The following NMBR variants were observed in gnomAD, a reference collection of about 807,000 sequenced individuals.
NMBR encodes neuromedin B receptor, also known as neuromedin-B receptor.
In NMBR, 16 loss-of-function variants were observed where a neutral mutation model predicts 20.5. That is an observed-to-expected ratio of 0.78 (90% CI 0.53 to 1.19). The LOEUF (loss-of-function observed/expected upper bound fraction) is 1.19. Ranked by LOEUF, NMBR falls within the 50% of genes most tolerant of loss-of-function variation. The pLI, the probability that NMBR is intolerant of heterozygous loss-of-function variation, is 0.00. For missense variants in NMBR, 582 were observed against 499.1 expected (o/e 1.17, Z -1.58); for synonymous variants, 212 against 196.6 (o/e 1.08, Z -0.65).
chr6:142,085,100 GTC>G (rs1173322242), intron 2 of NMBR, among the ~76,000 whole-genome samples: 3 of 152,146 alleles, frequency 2.0e-5, no homozygotes, highest in African/African-American at 7.2e-5. Context: ...ACCATGCACT[GTC>G]TCTCCTCCAG....
At position 142,092,906 on chromosome 6, in the gene NMBR, AC is replaced by A. The variant is rs990714130; in HGVS notation, c.-663-3586del. 5.9e-5 allele frequency among the ~76,000 whole-genome samples: 9 copies of A among 152,158 alleles called. No individual in the cohort carries two copies. In the East Asian group the frequency reaches 7.7e-4, roughly 13 times the overall value. ...TTAACCAATTCTCAGGAAAACACTT[AC>A]CCAAAAAGGGTAAATTAGTGATTTA... On this transcript the variant is annotated intron_variant, in intron 1 of 3. Coordinates refer to ENST00000258042, the MANE Select transcript of NMBR (RefSeq NM_002511.4).
At chr6:142,104,503 T>G (rs1293004059) in intron 1 of NMBR, among the ~76,000 whole-genome samples, 3 of 152,172 alleles carry the variant, frequency 2.0e-5, no homozygotes, top group African/African-American at 7.2e-5. Context: ...AAGCTGAAAT[T>G]TGATTTTGGA....
chr6:142,134,608 A>T (rs556957295), intron 1 of NMBR: 2 of 668,594 alleles, frequency 3.0e-6, no homozygotes, highest in African/African-American at 1.8e-5. Flanking sequence ...TAAAAGCATC[A>T]ATCAAGAATG....
At chr6:142,083,802 T>C (rs1777150360) in intron 2 of NMBR, among the ~76,000 whole-genome samples, 1 of 152,196 alleles carries the variant, frequency 6.6e-6, no homozygotes, top group South Asian at 2.1e-4. Context: ...TGTGGAACTG[T>C]GAGTCAATTA....
chr6:142,112,780 T>C (rs1334136827), intron 1 of NMBR, among the ~76,000 whole-genome samples: 2 of 152,198 alleles, frequency 1.3e-5, no homozygotes, highest in Admixed American at 6.5e-5. Flanking sequence ...TTTTCATCAA[T>C]GCTATTTAAG....
chr6:142,105,256 G>A (rs1173335621), intron 1 of NMBR, among the ~76,000 whole-genome samples: 3 of 152,142 alleles, frequency 2.0e-5, no homozygotes, highest in Admixed American at 2.0e-4. Context: ...CTTCTTTTGT[G>A]GATCTTCAGT....
At chr6:142,111,875 C>T (rs1321368843) in intron 1 of NMBR, among the ~76,000 whole-genome samples, 2 of 152,106 alleles carry the variant, frequency 1.3e-5, no homozygotes, top group African/African-American at 4.8e-5. Flanking sequence ...ACTCCCCAAC[C>T]CAAAAGTGAA....
At chr6:142,112,079 A>T (rs553569157) in intron 1 of NMBR, among the ~76,000 whole-genome samples, 230 of 152,322 alleles carry the variant, frequency 1.5e-3, no homozygotes, top group African/African-American at 5.2e-3. Flanking sequence ...CTGTAATCCC[A>T]ACATTTTGGG....
At chr6:142,130,673 C>A (rs1223807238) in intron 1 of NMBR, among the ~76,000 whole-genome samples, 2 of 152,078 alleles carry the variant, frequency 1.3e-5, no homozygotes, top group East Asian at 3.9e-4. Flanking sequence ...AGATATTGGT[C>A]AAATTATAAA....
intron 1 of NMBR, among the ~76,000 whole-genome samples, chr6:142,126,554 TCTA>T (rs1292647445): frequency 6.6e-6 from 1 of 151,908 alleles, no homozygotes; most frequent in Non-Finnish European, 1.5e-5. Flanking sequence ...CTCCCTTTTC[TCTA>T]CATCTTACCA....
chr6:142,100,572 C>T (rs544240760), intron 1 of NMBR, among the ~76,000 whole-genome samples: 6 of 152,204 alleles, frequency 3.9e-5, no homozygotes, highest in South Asian at 2.1e-4. Flanking sequence ...ATGTGTGGAT[C>T]GCAGAGGATT....
In NMBR at chr6:142,076,040, G is replaced by C; in HGVS notation, c.781C>G (p.Arg261Gly). The C allele has an allele frequency of 6.4e-7, 1 of 1,574,006 alleles. No homozygotes were observed. Among genetic ancestry groups the C allele is most frequent in the Non-Finnish European group, 8.6e-7 (1 of 1,163,040 alleles). Residue 261 changes from arginine (R) to glycine (G), a missense_variant, in exon 4 of 4, where the codon CGG becomes GGG. Arg to Gly is a moderately radical substitution (Grantham distance 125). Transcript: ENST00000258042. ...AGCACAATTTTAGCCAGGCGTTTCCGTGTTTCCATCTGCAAATATAAGAAA... is the reference window on the plus strand; with the variant it reads ...AGCACAATTTTAGCCAGGCGTTTCCCTGTTTCCATCTGCAAATATAAGAAA... ...NEHTKKQMET[R>G]KRLAKIVLVF...
In NMBR at chr6:142,116,354, T is replaced by G. The variant is rs533919788; in HGVS notation, c.-663-27033A>C. ...TTACTGTAGGATGCAGTATATAGAATGTTTGGCTCTAAGAGGGTATGTAGA... is the reference window on the plus strand; with the variant it reads ...TTACTGTAGGATGCAGTATATAGAAGGTTTGGCTCTAAGAGGGTATGTAGA... On this transcript the variant is annotated intron_variant, in intron 1 of 3. Transcript: ENST00000258042. Among the ~76,000 whole-genome samples, 31 of 151,892 alleles carry G rather than the reference T, an allele frequency of 2.0e-4. No homozygotes were observed. The South Asian group carries it at 5.6e-3, about 27-fold the overall frequency.
At chr6:142,087,965 C>T (rs980176665) in intron 2 of NMBR, among the ~76,000 whole-genome samples, 1 of 152,078 alleles carries the variant, frequency 6.6e-6, no homozygotes, top group Non-Finnish European at 1.5e-5. Context: ...CCCTAAGTGT[C>T]GGAGGTGGGA....
chr6:142,079,244 C>A (rs1190393844), intron 2 of NMBR, among the ~76,000 whole-genome samples: 1 of 151,938 alleles, frequency 6.6e-6, no homozygotes, highest in African/African-American at 2.4e-5. Flanking sequence ...AAACATTCTG[C>A]TTAGTAAGAG....
intron 3 of NMBR, among the ~76,000 whole-genome samples, chr6:142,077,260 T>C (rs967862206): frequency 6.6e-6 from 1 of 152,132 alleles, no homozygotes; most frequent in Non-Finnish European, 1.5e-5. Context: ...CCAGAGTCTA[T>C]AGGTCCCAAT....
chr6:142,134,789 T>C (rs1778219268), intron 1 of NMBR: 1 of 691,730 alleles, frequency 1.4e-6, no homozygotes, highest in Non-Finnish European at 2.6e-6. Flanking sequence ...ATAAGATGCA[T>C]GGTTCCAGAA....
chr6:142,089,254 G>A lies in NMBR; in HGVS notation c.-596C>T, dbSNP rs1402092811. 1.3e-5 allele frequency: 2 copies of A among 152,244 alleles called. No homozygotes were observed. The highest frequency in any genetic ancestry group is 6.5e-5 in the Admixed American group (1 of 15,280). The allele number at this position is 152,244 out of a possible 1,614,324, so 9.4% of individuals were successfully genotyped here. A position where few individuals can be genotyped will look rare whatever the true frequency, so the allele number is the denominator to read the frequency against. ...ATCCATCCTTACCCGCCTCCAAGCA[G>A]GAGGAGCTCCAGGCAAGAACTTTGG... On this transcript the variant is annotated 5_prime_UTR_variant, in exon 2 of 4. Transcript: ENST00000258042.
intron 1 of NMBR, among the ~76,000 whole-genome samples, chr6:142,139,496 C>T (rs1333201151): frequency 2.6e-5 from 4 of 152,182 alleles, no homozygotes; most frequent in African/African-American, 9.7e-5. Flanking sequence ...CTTTGCAGAT[C>T]TCTGGAGCTC....
Sources: gnomAD v4.1 joint callset for allele counts (sites outside exome capture counted in the v4.1 genomes callset) on GRCh38, gnomAD v4.1.1 for gene constraint, MANE v1.5 for transcripts, NCBI Gene and HGNC (gene_info 2026-07-23, HGNC 2026-07-21) for gene names.